Variants in ALDH1L1 observed in about 807,000 individuals in gnomAD.
The protein encoded by ALDH1L1 is cytosolic 10-formyltetrahydrofolate dehydrogenase.
ALDH1L1 carries 68 observed loss-of-function variants against 101.1 expected under a neutral mutation model. The observed-to-expected ratio is 0.67, with a 90% CI of 0.55 to 0.82. ALDH1L1 has a LOEUF of 0.82. Among genes scored for constraint, ALDH1L1 ranks in the 40% least tolerant of loss-of-function variants. ALDH1L1 has a pLI of 0.00. For synonymous variants in ALDH1L1, 486 were observed against 470.8 expected (o/e 1.03, Z -0.42); for missense variants, 1,087 against 1,172.7 (o/e 0.93, Z 1.07).
intron 20 of ALDH1L1, among the ~76,000 whole-genome samples, chr3:126,109,307 G>A (rs1278266294): frequency 1.3e-5 from 2 of 152,180 alleles, no homozygotes; most frequent in Admixed American, 6.5e-5. Flanking sequence ...TGGACTGCTC[G>A]ATCAGACAGA....
chr3:126,181,411 GC>G (rs2081473527), upstream of ALDH1L1: 1 of 280,744 alleles, frequency 3.6e-6, no homozygotes. Flanking sequence ...CGACCACCTG[GC>G]CCTCTCTCTG....
At chr3:126,136,676 G>T in intron 11 of ALDH1L1, 88 bp downstream of exon 11, 1 of 1,528,238 alleles carries the variant, frequency 6.5e-7, no homozygotes, top group Admixed American at 2.0e-5. Flanking sequence ...GACTCTCAGG[G>T]TCAGGACCCC....
intron 7 of ALDH1L1, chr3:126,151,142 A>C (rs773644277): frequency 2.2e-4 from 33 of 152,206 alleles, no homozygotes; most frequent in Non-Finnish European, 4.1e-4. Flanking sequence ...TACTTCTATA[A>C]AAAAGGATTC....
intron 1 of ALDH1L1, among the ~76,000 whole-genome samples, chr3:126,166,846 T>A (rs889229176): frequency 2.0e-5 from 3 of 152,184 alleles, no homozygotes; most frequent in Non-Finnish European, 4.4e-5. Flanking sequence ...ACACTAGCAT[T>A]AGTTTATACA....
chr3:126,109,664 A>G (rs1400927746), intron 20 of ALDH1L1, among the ~76,000 whole-genome samples: 1 of 152,140 alleles, frequency 6.6e-6, no homozygotes, highest in African/African-American at 2.4e-5. Context: ...CATGAAATCT[A>G]TGGGGGAGAG....
intron 14 of ALDH1L1, among the ~76,000 whole-genome samples, chr3:126,128,056 G>A (rs1197158523): frequency 6.6e-6 from 1 of 152,118 alleles, no homozygotes; most frequent in Admixed American, 6.5e-5. Context: ...GATCCGTGAG[G>A]CCAGCACAGC....
intron 1 of ALDH1L1, among the ~76,000 whole-genome samples, chr3:126,188,528 C>T (rs1020751258): frequency 6.6e-6 from 1 of 152,116 alleles, no homozygotes; most frequent in African/African-American, 2.4e-5. Context: ...AAATCAGTAG[C>T]CTCCTGCAAA....
chr3:126,138,800 C>T (rs1370493918), intron 9 of ALDH1L1, among the ~76,000 whole-genome samples: 2 of 152,200 alleles, frequency 1.3e-5, no homozygotes, highest in Non-Finnish European at 2.9e-5. Flanking sequence ...AGGCCAATGT[C>T]TAGACAGCAG....
chr3:126,170,579 A>G (rs2081254032), intron 1 of ALDH1L1, among the ~76,000 whole-genome samples: 1 of 152,162 alleles, frequency 6.6e-6, no homozygotes, highest in East Asian at 1.9e-4. Flanking sequence ...GCAACTACCC[A>G]AAAACATCTA....
chr3:126,165,367 A>G (rs945990350), intron 1 of ALDH1L1, among the ~76,000 whole-genome samples: 4 of 152,114 alleles, frequency 2.6e-5, no homozygotes, highest in African/African-American at 9.7e-5. Context: ...CATCGGGGAT[A>G]TTGGCCTGAA....
At chr3:126,170,666 GAAC>G (rs1051078614) in intron 1 of ALDH1L1, among the ~76,000 whole-genome samples, 71 of 152,246 alleles carry the variant, frequency 4.7e-4, no homozygotes, top group African/African-American at 1.6e-3. Context: ...TAGCTAGAAA[GAAC>G]ATGTCCCCTC....
At position 126,179,392 on chromosome 3, in the gene ALDH1L1, C is replaced by G. The variant is rs765157912; in HGVS notation, c.-24+1084G>C. The stretch of plus-strand genomic sequence containing the variant: ...GGCCCATGAATGCAGTTCTAGCACT[C>G]GGGAGGCTGAGGCGGGAGAATCACT... On this transcript the variant is annotated intron_variant, in intron 1 of 22. Transcript: ENST00000393434. Among the ~76,000 whole-genome samples the G allele has an allele frequency of 5.3e-5, 8 of 152,298 alleles. No homozygotes were observed. In the South Asian group the frequency reaches 8.3e-4, roughly 16 times the overall value.
At chr3:126,149,109 G>T (rs774144365) in intron 8 of ALDH1L1, among the ~76,000 whole-genome samples, 1 of 152,158 alleles carries the variant, frequency 6.6e-6, no homozygotes, top group Non-Finnish European at 1.5e-5. Context: ...GCCTTTGGAC[G>T]GTTTGCAAAC....
chr3:126,180,749 C>A, upstream of ALDH1L1: 1 of 1,424,660 alleles, frequency 7.0e-7, no homozygotes, highest in East Asian at 2.5e-5. Context: ...CATGTAAAAG[C>A]CAACCCCGCA....
intron 8 of ALDH1L1, among the ~76,000 whole-genome samples, chr3:126,149,938 G>T (rs952526156): frequency 2.6e-5 from 4 of 152,194 alleles, no homozygotes; most frequent in African/African-American, 9.7e-5. Context: ...TGAGAAGACT[G>T]AGTCTTAGAG....
chr3:126,114,438 A>G (rs1946172192), intron 18 of ALDH1L1, 119 bp downstream of exon 18: 2 of 759,222 alleles, frequency 2.6e-6, no homozygotes, highest in Non-Finnish European at 3.9e-6. Flanking sequence ...TGATGACGCT[A>G]TGGACTCCAC....
At chr3:126,176,085 C>A (rs939423951) in intron 1 of ALDH1L1, among the ~76,000 whole-genome samples, 1 of 152,114 alleles carries the variant, frequency 6.6e-6, no homozygotes, top group Non-Finnish European at 1.5e-5. Flanking sequence ...AAACACAAAA[C>A]CATTTACATT....
At chr3:126,109,265 G>A (rs1179761058) in intron 20 of ALDH1L1, among the ~76,000 whole-genome samples, 3 of 152,338 alleles carry the variant, frequency 2.0e-5, no homozygotes, top group South Asian at 4.1e-4. Flanking sequence ...CAGCGTCAAC[G>A]GTCCATCCCC....
intron 1 of ALDH1L1, among the ~76,000 whole-genome samples, chr3:126,165,617 T>C (rs761869163): frequency 6.6e-6 from 1 of 152,204 alleles, no homozygotes. Context: ...TATTGGTCTA[T>C]TCAGCATTTC....
Sources: gnomAD v4.1 joint callset for allele counts (sites outside exome capture counted in the v4.1 genomes callset) on GRCh38, gnomAD v4.1.1 for gene constraint, MANE v1.5 for transcripts, NCBI Gene and HGNC (gene_info 2026-07-23, HGNC 2026-07-21) for gene names.